NBEA: variants seen among roughly 807,000 people sequenced by gnomAD.
The protein encoded by NBEA is neurobeachin, also known as lysosomal-trafficking regulator 2.
In NBEA, 44 loss-of-function variants were observed where a neutral mutation model predicts 343.4. That is an observed-to-expected ratio of 0.13 (90% CI 0.10 to 0.16). The LOEUF (loss-of-function observed/expected upper bound fraction) is 0.16, where lower values mean the gene tolerates loss of function less well. Among genes scored for constraint, NBEA ranks in the 10% least tolerant of loss-of-function variants. The pLI is 1.00. For synonymous variants in NBEA, 1,175 were observed against 1,238.7 expected (o/e 0.95, Z 1.08); for missense variants, 2,555 against 3,631.3 (o/e 0.70, Z 7.62).
chr13:35,251,297 C>A, intron 34 of NBEA: 1 of 680,224 alleles, frequency 1.5e-6, no homozygotes, highest in Non-Finnish European at 1.9e-6. Context: ...AGTATGCCAG[C>A]ATCCCTGTGC....
At chr13:35,425,764 A>G (rs1555261768) in intron 38 of NBEA, among the ~76,000 whole-genome samples, 2 of 152,098 alleles carry the variant, frequency 1.3e-5, no homozygotes, top group Non-Finnish European at 1.5e-5. Context: ...GTCTCCCATT[A>G]TTATTGTGTG....
At chr13:34,958,530 A>AAATTTTTAAAAAAAAAATTT (rs541194395) in intron 1 of NBEA, among the ~76,000 whole-genome samples, 1 of 152,022 alleles carries the variant, frequency 6.6e-6, no homozygotes, top group Non-Finnish European at 1.5e-5. Context: ...TTGGGTCAGG[A>AAATTTTTAAAAAAAAAATTT]TTTGAAGAAA....
chr13:35,150,787 G>A (rs562856223), intron 18 of NBEA, among the ~76,000 whole-genome samples: 7 of 100,128 alleles, frequency 7.0e-5, no homozygotes, highest in Admixed American at 5.1e-4. Context: ...TGTTGATAAT[G>A]ATATTTTAGA....
chr13:34,973,877 A>G (rs1286950650), intron 1 of NBEA, among the ~76,000 whole-genome samples: 1 of 152,132 alleles, frequency 6.6e-6, no homozygotes, highest in Non-Finnish European at 1.5e-5. Context: ...CTGGAGTTGC[A>G]GTCACTTTTG....
chr13:35,212,900 T>G (rs905935675), intron 33 of NBEA, among the ~76,000 whole-genome samples: 5 of 151,994 alleles, frequency 3.3e-5, no homozygotes, highest in Non-Finnish European at 7.4e-5. Context: ...TCTAATTAAT[T>G]TTTTGAAAAT....
At chr13:35,040,897 A>C in intron 1 of NBEA, 36 bp from the exon 2 acceptor site, 1 of 1,543,586 alleles carries the variant, frequency 6.5e-7, no homozygotes, top group South Asian at 1.1e-5. Context: ...ATAACCTCCC[A>C]TGTTAACACT....
rs551195734 is a variant in NBEA, at chr13:35,432,633, ATAGT to A, written c.6304+247_6304+250del. On this transcript the variant is annotated intron_variant, in intron 39 of 58. Transcript: ENST00000379939. ...TTTTTAAGAGCTAAATGGACTTCAC[ATAGT>A]TAGTTATTAACTAACAGTCCTTTCA... Among the ~76,000 whole-genome samples the A allele has an allele frequency of 2.9e-4, 44 of 152,160 alleles. 1 individual carries two copies. The highest frequency in any genetic ancestry group is 9.2e-4 in the African/African-American group (38 of 41,528).
In NBEA at chr13:35,111,662, G is replaced by A. The variant is rs1420039825; in HGVS notation, c.2002+684G>A. Among the ~76,000 whole-genome samples the A allele has an allele frequency of 4.6e-5, 7 of 151,708 alleles. No homozygotes were observed. The South Asian group carries it at 6.2e-4, about 14-fold the overall frequency. Reference sequence around the variant, plus strand: ...TGTAAGGGGATGTACCATTTACATCGTTTCTAAAGTTTTGATTCTGTAAAT... The same window carrying A: ...TGTAAGGGGATGTACCATTTACATCATTTCTAAAGTTTTGATTCTGTAAAT... On this transcript the variant is annotated intron_variant, in intron 13 of 58. Coordinates refer to ENST00000379939, the MANE Select transcript of NBEA (RefSeq NM_001385012.1).
At chr13:35,433,240 G>A (rs1034096214) in intron 39 of NBEA, among the ~76,000 whole-genome samples, 1 of 152,030 alleles carries the variant, frequency 6.6e-6, no homozygotes, top group Admixed American at 6.6e-5. Flanking sequence ...ATTTTTAAAT[G>A]CTGTAACAAG....
At chr13:35,654,003 A>G (rs750459662) in intron 53 of NBEA, among the ~76,000 whole-genome samples, 2 of 152,244 alleles carry the variant, frequency 1.3e-5, no homozygotes, top group South Asian at 2.1e-4. Flanking sequence ...GTTAGTAGAT[A>G]TCTACAGATA....
chr13:35,070,210 T>C, intron 9 of NBEA, 105 bp downstream of exon 9: 1 of 1,176,336 alleles, frequency 8.5e-7, no homozygotes, highest in Non-Finnish European at 1.1e-6. Flanking sequence ...TTTTTTTGCT[T>C]CTTTTTTGGC....
intron 11 of NBEA, among the ~76,000 whole-genome samples, chr13:35,100,053 C>CA (rs2065562916): frequency 2.6e-5 from 4 of 151,766 alleles, no homozygotes; most frequent in Admixed American, 2.6e-4. Context: ...ATTTCCTTTG[C>CA]AAAAAAATTG....
intron 34 of NBEA, among the ~76,000 whole-genome samples, chr13:35,243,370 A>G (rs764476151): frequency 6.6e-6 from 1 of 151,872 alleles, no homozygotes; most frequent in African/African-American, 2.4e-5. Context: ...CAAAAATACA[A>G]TGACATACAG....
At chr13:35,074,425 G>C (rs1010950744) in intron 10 of NBEA, among the ~76,000 whole-genome samples, 1 of 151,690 alleles carries the variant, frequency 6.6e-6, no homozygotes, top group Non-Finnish European at 1.5e-5. Flanking sequence ...GTTTTGCTTT[G>C]AAAAAAAATT....
intron 34 of NBEA, among the ~76,000 whole-genome samples, chr13:35,280,390 A>T (rs1488136819): frequency 6.6e-6 from 1 of 152,136 alleles, no homozygotes; most frequent in Non-Finnish European, 1.5e-5. Flanking sequence ...ATTATTTATA[A>T]TTACTGATCC....
chr13:35,510,507 G>C (rs2077236709), intron 41 of NBEA, among the ~76,000 whole-genome samples: 1 of 152,162 alleles, frequency 6.6e-6, no homozygotes. Flanking sequence ...CCATGCACCA[G>C]CCACCTCGCT....
chr13:35,222,852 G>T (rs567203213), intron 33 of NBEA, among the ~76,000 whole-genome samples: 1 of 152,290 alleles, frequency 6.6e-6, no homozygotes, highest in East Asian at 1.9e-4. Context: ...CAGTAGGCCG[G>T]GCATGGTGGC....
At chr13:35,416,745 GC>G (rs1219850511) in intron 38 of NBEA, among the ~76,000 whole-genome samples, 1 of 152,118 alleles carries the variant, frequency 6.6e-6, no homozygotes, top group Non-Finnish European at 1.5e-5. Flanking sequence ...GATGATGTTG[GC>G]CTCATAAAAT....
chr13:35,356,162 A>G (rs1205778661), intron 38 of NBEA, among the ~76,000 whole-genome samples: 2 of 152,132 alleles, frequency 1.3e-5, no homozygotes, highest in Non-Finnish European at 2.9e-5. Flanking sequence ...TAGAAAATAA[A>G]CTAGTCCATT....
Sources: allele counts gnomAD v4.1 joint callset (sites outside exome capture counted in the v4.1 genomes callset), GRCh38; gene constraint gnomAD v4.1.1; transcripts MANE v1.5; gene names NCBI Gene and HGNC (gene_info 2026-07-23, HGNC 2026-07-21).